The following CACNA2D3 variants were observed in gnomAD, a reference collection of about 807,000 sequenced individuals.
CACNA2D3 encodes calcium voltage-gated channel auxiliary subunit alpha2delta 3.
CACNA2D3 carries 60 observed loss-of-function variants against 160.6 expected under a neutral mutation model. The observed-to-expected ratio is 0.37, with a 90% CI of 0.30 to 0.46. The LOEUF (loss-of-function observed/expected upper bound fraction) is 0.46. CACNA2D3 is among the 20% of genes least tolerant of loss of function. The pLI is 1.00. For synonymous variants in CACNA2D3, 558 were observed against 492.9 expected (o/e 1.13, Z -1.75); for missense variants, 1,205 against 1,365.0 (o/e 0.88, Z 1.85).
intron 2 of CACNA2D3, among the ~76,000 whole-genome samples, chr3:54,279,375 A>T (rs1360367163): frequency 6.6e-6 from 1 of 152,134 alleles, no homozygotes; most frequent in African/African-American, 2.4e-5. Context: ...GGATGGCCCT[A>T]CTAGTATGTA....
intron 4 of CACNA2D3, among the ~76,000 whole-genome samples, chr3:54,401,506 A>C (rs1392484161): frequency 2.0e-5 from 3 of 152,234 alleles, no homozygotes; most frequent in East Asian, 3.8e-4. Context: ...ACAAGAGAAA[A>C]GTGTCAGGTC....
At chr3:54,949,071 T>G (rs2107009555) in intron 27 of CACNA2D3, among the ~76,000 whole-genome samples, 1 of 152,324 alleles carries the variant, frequency 6.6e-6, no homozygotes, top group African/African-American at 2.4e-5. Context: ...CAGGCCTTCC[T>G]CATCCAGTGC....
In CACNA2D3 at chr3:54,887,852, C is replaced by G. The variant is rs1029574218; in HGVS notation, c.2057-107C>G. On this transcript the variant is annotated intron_variant, in intron 23 of 37. Coordinates refer to ENST00000474759, the MANE Select transcript of CACNA2D3 (RefSeq NM_018398.3). ...GGAACTTAACTCATAAAGCAACATG[C>G]CGCATGAGAAAGTAGCCTGCAGATG... The G allele has an allele frequency of 6.2e-6, 5 of 803,312 alleles. No individual in the cohort carries two copies. The African/African-American group carries it at 6.8e-5, about 11-fold the overall frequency. 49.8% of individuals were successfully genotyped at this position (803,312 alleles called of 1,614,324 possible). A position where few individuals can be genotyped will look rare whatever the true frequency, so the allele number is the denominator to read the frequency against.
At chr3:54,204,694 G>T (rs186908300) in intron 2 of CACNA2D3, among the ~76,000 whole-genome samples, 1 of 151,640 alleles carries the variant, frequency 6.6e-6, no homozygotes, top group African/African-American at 2.4e-5. Flanking sequence ...TACTTGGGAG[G>T]CTGAGGCAGG....
At chr3:54,675,622 C>T (rs1700230883) in intron 11 of CACNA2D3, among the ~76,000 whole-genome samples, 1 of 152,116 alleles carries the variant, frequency 6.6e-6, no homozygotes, top group Non-Finnish European at 1.5e-5. Flanking sequence ...GGAGGAGACG[C>T]AGAGGATGAA....
chr3:54,566,625 A>G (rs1026936541), intron 6 of CACNA2D3, among the ~76,000 whole-genome samples: 1 of 152,210 alleles, frequency 6.6e-6, no homozygotes, highest in African/African-American at 2.4e-5. Flanking sequence ...GTCACTGTCT[A>G]ATCAAACACA....
intron 21 of CACNA2D3, 150 bp from the exon 22 acceptor site, chr3:54,885,131 C>G: frequency 1.4e-6 from 1 of 703,946 alleles, no homozygotes; most frequent in Non-Finnish European, 2.4e-6. Flanking sequence ...TTATTTTCCT[C>G]AGAAAATAAA....
intron 2 of CACNA2D3, among the ~76,000 whole-genome samples, chr3:54,162,322 G>A (rs961991340): frequency 2.6e-4 from 40 of 152,278 alleles, no homozygotes; most frequent in African/African-American, 9.6e-4. Flanking sequence ...CTGGGATGAC[G>A]AAGACTGAGG....
intron 2 of CACNA2D3, among the ~76,000 whole-genome samples, chr3:54,227,997 T>C (rs1701705666): frequency 6.6e-6 from 1 of 152,172 alleles, no homozygotes; most frequent in African/African-American, 2.4e-5. Context: ...ACTTTGTTCT[T>C]TGTTCTACCA....
intron 2 of CACNA2D3, among the ~76,000 whole-genome samples, chr3:54,159,272 A>AT (rs899745527): frequency 3.2e-4 from 48 of 149,566 alleles, no homozygotes; most frequent in East Asian, 2.6e-3. Flanking sequence ...TAACGTGGTC[A>AT]TTTTTTTTTT....
At chr3:54,753,372 C>G (rs116688216) in intron 12 of CACNA2D3, among the ~76,000 whole-genome samples, 1,667 of 152,274 alleles carry the variant, frequency 0.011, 33 homozygotes, top group African/African-American at 0.038. Context: ...CAACCTGAGT[C>G]ATTTCTGGGC....
chr3:54,627,141 C>T (rs1034722331), intron 9 of CACNA2D3, among the ~76,000 whole-genome samples: 2 of 152,174 alleles, frequency 1.3e-5, no homozygotes, highest in East Asian at 1.9e-4. Context: ...GTGTGTATTA[C>T]GCATGTGGTA....
chr3:54,944,359 T>A (rs1701554565), intron 27 of CACNA2D3, among the ~76,000 whole-genome samples: 1 of 152,050 alleles, frequency 6.6e-6, no homozygotes, highest in Non-Finnish European at 1.5e-5. Flanking sequence ...TTAAATTCAT[T>A]TGTATATTTT....
At chr3:54,979,782 A>T (rs1844931) in intron 29 of CACNA2D3, among the ~76,000 whole-genome samples, 26,074 of 152,068 alleles carry the variant, frequency 0.17, 2,439 homozygotes, top group East Asian at 0.3. Flanking sequence ...AGAAATCTGC[A>T]TTCAATAGCA....
intron 35 of CACNA2D3, among the ~76,000 whole-genome samples, chr3:55,018,821 C>A (rs937165474): frequency 6.6e-6 from 1 of 151,782 alleles, no homozygotes; most frequent in Non-Finnish European, 1.5e-5. Flanking sequence ...GGACAGTTCC[C>A]GTCTGGGTGA....
intron 13 of CACNA2D3, among the ~76,000 whole-genome samples, chr3:54,777,136 A>C (rs2107122699): frequency 6.6e-6 from 1 of 152,338 alleles, no homozygotes; most frequent in East Asian, 1.9e-4. Context: ...CTCCATGTGA[A>C]AGATTTCATT....
intron 11 of CACNA2D3, among the ~76,000 whole-genome samples, chr3:54,684,388 A>G (rs1240496487): frequency 6.6e-6 from 1 of 152,142 alleles, no homozygotes; most frequent in Non-Finnish European, 1.5e-5. Context: ...GGTACTGGGG[A>G]TTAGGACCTC....
intron 4 of CACNA2D3, among the ~76,000 whole-genome samples, chr3:54,489,592 T>C (rs886144797): frequency 1.3e-5 from 2 of 152,246 alleles, no homozygotes; most frequent in African/African-American, 4.8e-5. Context: ...ACTCATTTTA[T>C]AGATGCGGAG....
intron 3 of CACNA2D3, among the ~76,000 whole-genome samples, chr3:54,351,661 C>T (rs1307432823): frequency 6.6e-6 from 1 of 152,214 alleles, no homozygotes; most frequent in Non-Finnish European, 1.5e-5. Flanking sequence ...CTCACTGCAC[C>T]ACCAAGCACA....
Sources: allele counts gnomAD v4.1 joint callset (sites outside exome capture counted in the v4.1 genomes callset), GRCh38; gene constraint gnomAD v4.1.1; transcripts MANE v1.5; gene names NCBI Gene and HGNC (gene_info 2026-07-23, HGNC 2026-07-21).